OXR1: variants seen among roughly 807,000 people sequenced by gnomAD.
The protein encoded by OXR1 is oxidation resistance protein 1.
In OXR1, 41 loss-of-function variants were observed where a neutral mutation model predicts 104.6. The observed-to-expected ratio is 0.39, with a 90% CI of 0.31 to 0.51. The LOEUF is 0.51. OXR1 is among the 20% of genes least tolerant of loss of function. The pLI, the probability that OXR1 is intolerant of heterozygous loss-of-function variation, is 0.77. For synonymous variants in OXR1, 348 were observed against 348.4 expected (o/e 1.00, Z 0.01); for missense variants, 955 against 1,031.9 (o/e 0.93, Z 1.02).
At chr8:106,506,413 A>G (rs1391428291) in intron 2 of OXR1, among the ~76,000 whole-genome samples, 1 of 152,176 alleles carries the variant, frequency 6.6e-6, no homozygotes, top group Admixed American at 6.5e-5. Context: ...GGAGATCCAG[A>G]CAATCCTGGC....
In OXR1 at chr8:106,521,201, A is replaced by G. The variant is rs192211231; in HGVS notation, c.220+2062A>G. ...GTATTGAAAGTTCCCTTTACAAAAC[A>G]AATGTACTTCTATGTCTCTTAGTAA... On this transcript the variant is annotated intron_variant, in intron 3 of 16. Transcript: ENST00000517566. 2.7e-3 allele frequency among the ~76,000 whole-genome samples: 415 copies of G among 152,352 alleles called. 1 individual carries two copies. The highest frequency in any genetic ancestry group is 3.6e-3 in the Non-Finnish European group (247 of 68,034).
chr8:106,657,851 C>A (rs1161524085), intron 3 of OXR1: 1 of 1,239,754 alleles, frequency 8.1e-7, no homozygotes, highest in Non-Finnish European at 1.0e-6. Context: ...CCTCCTCCTC[C>A]CCGCCTCTTG....
intron 9 of OXR1, among the ~76,000 whole-genome samples, chr8:106,709,413 G>A (rs759990419): frequency 6.6e-6 from 1 of 152,080 alleles, no homozygotes; most frequent in Non-Finnish European, 1.5e-5. Context: ...TTTAAAGAAT[G>A]CTGCCCAGCA....
intron 2 of OXR1, among the ~76,000 whole-genome samples, chr8:106,458,211 G>T (rs1377677071): frequency 1.3e-5 from 2 of 152,056 alleles, no homozygotes; most frequent in Non-Finnish European, 2.9e-5. Flanking sequence ...GGAACTTGAG[G>T]GCCAGATTTC....
chr8:106,613,157 C>T (rs768800762), intron 3 of OXR1, among the ~76,000 whole-genome samples: 1 of 151,794 alleles, frequency 6.6e-6, no homozygotes, highest in Non-Finnish European at 1.5e-5. Flanking sequence ...TCCCTTCAAG[C>T]AGAAGAAAAT....
intron 3 of OXR1, among the ~76,000 whole-genome samples, chr8:106,616,304 G>GC (rs1345398648): frequency 7.6e-6 from 1 of 131,548 alleles, no homozygotes; most frequent in Non-Finnish European, 1.5e-5. Flanking sequence ...CTCATGATCC[G>GC]CCCACCTCAG....
intron 2 of OXR1, among the ~76,000 whole-genome samples, chr8:106,382,765 G>C (rs1376506557): frequency 6.9e-6 from 1 of 144,158 alleles, no homozygotes; most frequent in South Asian, 2.2e-4. Context: ...TGTGTTAGGT[G>C]ATCTGTAATA....
chr8:106,404,251 T>A (rs75206253), intron 2 of OXR1, among the ~76,000 whole-genome samples: 2 of 152,096 alleles, frequency 1.3e-5, no homozygotes, highest in Admixed American at 6.6e-5. Flanking sequence ...CTTCTTCTAC[T>A]GAACAGGGGG....
At position 106,710,686 on chromosome 8, in the gene OXR1, A is replaced by G; in HGVS notation, c.1689A>G (p.Gly563=). Residue 563 remains glycine (G), a synonymous_variant, in exon 10 of 17, where the codon GGA becomes GGG. Coordinates refer to ENST00000517566, the MANE Select transcript of OXR1 (RefSeq NM_001198533.2). The part of the protein sequence containing the change: ...RLHKFLCLRV[G]KPMRKTFVSQ... ...ATAAGTTCTTGTGTCTCAGAGTTGG[A>G]AAACCAATGAGGAAAACGTTTGTAT... 1 of 1,604,878 alleles carries G rather than the reference A, an allele frequency of 6.2e-7. No homozygotes were observed. Among genetic ancestry groups the G allele is most frequent in the East Asian group, 2.3e-5 (1 of 44,386 alleles).
intron 2 of OXR1, among the ~76,000 whole-genome samples, chr8:106,467,754 C>G (rs1821252622): frequency 6.6e-6 from 1 of 151,838 alleles, no homozygotes; most frequent in Non-Finnish European, 1.5e-5. Context: ...CACAAGACAT[C>G]CATGGAGGAT....
chr8:106,741,288 T>C (rs1284179151), intron 14 of OXR1, among the ~76,000 whole-genome samples: 1 of 152,160 alleles, frequency 6.6e-6, no homozygotes, highest in Non-Finnish European at 1.5e-5. Context: ...AACTTTCTTA[T>C]GATTTCATTT....
intron 3 of OXR1, among the ~76,000 whole-genome samples, chr8:106,560,897 A>G (rs979618203): frequency 7.2e-5 from 11 of 152,146 alleles, no homozygotes; most frequent in Non-Finnish European, 1.3e-4. Context: ...TTACCCGGGA[A>G]GTGCAAGTGG....
At chr8:106,705,347 T>G (rs1036057352) in intron 8 of OXR1, among the ~76,000 whole-genome samples, 3 of 152,136 alleles carry the variant, frequency 2.0e-5, no homozygotes, top group African/African-American at 7.2e-5. Flanking sequence ...CTTCAACTAA[T>G]TAATACTTCA....
In OXR1 at chr8:106,742,306, C is replaced by G; in HGVS notation, c.2401C>G (p.Pro801Ala). 6.2e-7 allele frequency: 1 copy of G among 1,600,794 alleles called. No individual in the cohort carries two copies. Among genetic ancestry groups the G allele is most frequent in the Non-Finnish European group, 8.6e-7 (1 of 1,169,086 alleles). The change falls in exon 15 of 17, where the codon CCG becomes GCG. Residue 801 changes from proline to alanine, a missense_variant. Pro to Ala is a conservative substitution (Grantham distance 27). Around this residue, in one of 2 missense-constraint regions of OXR1, gnomAD observed 106 missense variants for 179.0 expected, o/e 0.59. Coordinates refer to ENST00000517566, the MANE Select transcript of OXR1 (RefSeq NM_001198533.2). ...AGAGACCTTTGTTTTTACATTCTGTCCGGAGTTTGAGGTAAGAACCACTAT... is the reference window on the plus strand; with the variant it reads ...AGAGACCTTTGTTTTTACATTCTGTGCGGAGTTTGAGGTAAGAACCACTAT... ...TGETFVFTFCPEFEVFKWTGD... is the reference protein window; with the variant it reads ...TGETFVFTFCAEFEVFKWTGD...
At chr8:106,270,758 A>G (rs1811763463) in intron 1 of OXR1, among the ~76,000 whole-genome samples, 1 of 152,000 alleles carries the variant, frequency 6.6e-6, no homozygotes, top group Non-Finnish European at 1.5e-5. Context: ...GAGTGGGAGC[A>G]GCGTGAGAGC....
At chr8:106,558,317 A>G (rs1187360397) in intron 3 of OXR1, among the ~76,000 whole-genome samples, 2 of 152,216 alleles carry the variant, frequency 1.3e-5, no homozygotes, top group African/African-American at 4.8e-5. Context: ...TATCAAACTC[A>G]GAATTCTATG....
At chr8:106,390,083 T>C (rs1230246816) in intron 2 of OXR1, among the ~76,000 whole-genome samples, 1 of 152,068 alleles carries the variant, frequency 6.6e-6, no homozygotes, top group Non-Finnish European at 1.5e-5. Context: ...AATTATCCAT[T>C]GTGGATGAAA....
chr8:106,337,996 C>T (rs983541424), intron 1 of OXR1, among the ~76,000 whole-genome samples: 4 of 152,158 alleles, frequency 2.6e-5, no homozygotes, highest in South Asian at 4.1e-4. Flanking sequence ...TTCATTGTTC[C>T]GGTTATATCT....
At chr8:106,367,545 C>A (rs1047573616) in intron 2 of OXR1, among the ~76,000 whole-genome samples, 2 of 151,862 alleles carry the variant, frequency 1.3e-5, no homozygotes, top group Non-Finnish European at 2.9e-5. Flanking sequence ...TATATTCATT[C>A]ATTTCTTTAT....
Sources: gnomAD v4.1 joint callset for allele counts (sites outside exome capture counted in the v4.1 genomes callset) on GRCh38, gnomAD v4.1.1 for gene constraint, gnomAD v4.1.1 regional missense constraint, MANE v1.5 for transcripts, NCBI Gene and HGNC (gene_info 2026-07-23, HGNC 2026-07-21) for gene names.